SPOCK1: variants seen among roughly 807,000 people sequenced by gnomAD.
SPOCK1 encodes the protein testican-1.
Under a neutral mutation model 55.3 loss-of-function variants are expected in SPOCK1, and 23 were observed. That is an observed-to-expected ratio of 0.42 (90% CI 0.30 to 0.59). The LOEUF (loss-of-function observed/expected upper bound fraction) is 0.59, where lower values mean the gene tolerates loss of function less well. SPOCK1 is among the 20% of genes least tolerant of loss of function. The probability of loss-of-function intolerance (pLI) is 0.22; values close to 1 mark genes in which losing one functional copy is unlikely to be tolerated. For synonymous variants in SPOCK1, 226 were observed against 221.0 expected (o/e 1.02, Z -0.20); for missense variants, 499 against 552.5 (o/e 0.90, Z 0.97).
At chr5:136,995,831 T>A (rs1270248046) in intron 6 of SPOCK1, among the ~76,000 whole-genome samples, 1 of 152,152 alleles carries the variant, frequency 6.6e-6, no homozygotes, top group East Asian at 1.9e-4. Flanking sequence ...AATGAATCTG[T>A]CACTCAGGGA....
chr5:137,457,033 G>A (rs558484949), intron 2 of SPOCK1, among the ~76,000 whole-genome samples: 31 of 152,168 alleles, frequency 2.0e-4, no homozygotes, highest in Non-Finnish European at 7.3e-5. Context: ...CTACTTAATG[G>A]TCTGGGGCTC....
At chr5:137,209,996 A>AT (rs1342558234) in intron 3 of SPOCK1, among the ~76,000 whole-genome samples, 2 of 152,166 alleles carry the variant, frequency 1.3e-5, no homozygotes, top group Non-Finnish European at 2.9e-5. Flanking sequence ...TTTGATATTG[A>AT]TTTTTTGTTA....
chr5:137,444,126 C>T (rs981763693), intron 2 of SPOCK1, among the ~76,000 whole-genome samples: 2 of 152,134 alleles, frequency 1.3e-5, no homozygotes, highest in African/African-American at 4.8e-5. Flanking sequence ...AGGGCAACCA[C>T]ACCTCCCTTT....
At chr5:137,343,544 A>G (rs1303817462) in intron 2 of SPOCK1, among the ~76,000 whole-genome samples, 3 of 152,094 alleles carry the variant, frequency 2.0e-5, no homozygotes, top group Admixed American at 1.3e-4. Context: ...ACTGCTTCCA[A>G]CCCACTCAGC....
At chr5:137,067,314 C>G (rs1447343263) in intron 6 of SPOCK1, among the ~76,000 whole-genome samples, 1 of 152,122 alleles carries the variant, frequency 6.6e-6, no homozygotes, top group Non-Finnish European at 1.5e-5. Context: ...AGAACTCTCT[C>G]CACTGTTGTG....
At chr5:137,290,536 G>A (rs572328544) in intron 2 of SPOCK1, among the ~76,000 whole-genome samples, 1 of 152,326 alleles carries the variant, frequency 6.6e-6, no homozygotes, top group African/African-American at 2.4e-5. Context: ...TGATCTCAGG[G>A]ATGGTTACAT....
chr5:137,339,722 G>C (rs1358676124), intron 2 of SPOCK1, among the ~76,000 whole-genome samples: 1 of 152,150 alleles, frequency 6.6e-6, no homozygotes, highest in Non-Finnish European at 1.5e-5. Context: ...CTGATGAGAG[G>C]TTTTGGGGGA....
intron 2 of SPOCK1, among the ~76,000 whole-genome samples, chr5:137,308,554 G>T (rs755621408): frequency 5.3e-5 from 8 of 152,154 alleles, no homozygotes; most frequent in Non-Finnish European, 8.8e-5. Context: ...GCATATCTGC[G>T]GTTCCAGCTC....
At chr5:137,196,078 C>A (rs1755293659) in intron 3 of SPOCK1, among the ~76,000 whole-genome samples, 1 of 152,182 alleles carries the variant, frequency 6.6e-6, no homozygotes, top group South Asian at 2.1e-4. Flanking sequence ...TGTGAAGGAT[C>A]TCAAGAAATA....
chr5:136,989,245 A>G (rs1370994727), intron 7 of SPOCK1, among the ~76,000 whole-genome samples: 1 of 152,232 alleles, frequency 6.6e-6, no homozygotes, highest in African/African-American at 2.4e-5. Flanking sequence ...AACTCAGACA[A>G]TAATTTCTTT....
rs1561631704 is a variant in SPOCK1, at chr5:137,160,586, A to ATATAATATATAAT, written c.233-19893_233-19892insATTATATATTATA. Among the ~76,000 whole-genome samples the ATATAATATATAAT allele has an allele frequency of 4.1e-4, 17 of 41,644 alleles. 1 individual carries two copies. The highest frequency in any genetic ancestry group is 2.0e-3 in the Admixed American group (5 of 2,562). 27.3% of individuals were successfully genotyped at this position (41,644 alleles called of 152,430 possible). ...ATATTATATATTATATAATATATAT[A>ATATAATATATAAT]ATATATAATATATTATATATAATAT... is the stretch of plus-strand genomic sequence containing the variant. On this transcript the variant is annotated intron_variant, in intron 3 of 10. Transcript: ENST00000394945.
intron 5 of SPOCK1, among the ~76,000 whole-genome samples, chr5:137,068,789 G>A (rs1258689461): frequency 6.6e-6 from 1 of 152,200 alleles, no homozygotes; most frequent in Non-Finnish European, 1.5e-5. Context: ...TGAACTGTGT[G>A]TGGCTAATTA....
intron 3 of SPOCK1, among the ~76,000 whole-genome samples, chr5:137,179,750 A>G (rs1204851819): frequency 6.6e-6 from 1 of 152,172 alleles, no homozygotes; most frequent in African/African-American, 2.4e-5. Context: ...GCCAGTCATG[A>G]GACTTGGGGC....
chr5:137,168,519 T>C (rs1183351085), intron 3 of SPOCK1, among the ~76,000 whole-genome samples: 1 of 152,030 alleles, frequency 6.6e-6, no homozygotes, highest in African/African-American at 2.4e-5. Context: ...AAAAATCTAA[T>C]AATCTGATTG....
At chr5:137,355,574 T>C (rs776679254) in intron 2 of SPOCK1, among the ~76,000 whole-genome samples, 6 of 152,170 alleles carry the variant, frequency 3.9e-5, no homozygotes, top group Non-Finnish European at 8.8e-5. Context: ...GTTGAAGTAA[T>C]CCAGGATGAG....
At chr5:136,980,377 T>G (rs983562798) in intron 9 of SPOCK1, among the ~76,000 whole-genome samples, 8 of 152,232 alleles carry the variant, frequency 5.3e-5, no homozygotes, top group Non-Finnish European at 1.0e-4. Context: ...GGCACAAATT[T>G]ACAAGTATGT....
chr5:137,046,451 G>A (rs1411879008), intron 6 of SPOCK1, among the ~76,000 whole-genome samples: 2 of 152,054 alleles, frequency 1.3e-5, no homozygotes, highest in East Asian at 1.9e-4. Context: ...CCTGTTATTG[G>A]TGTATAAGAA....
chr5:137,266,286 C>A (rs1487939518), intron 3 of SPOCK1, among the ~76,000 whole-genome samples: 2 of 152,152 alleles, frequency 1.3e-5, no homozygotes, highest in Non-Finnish European at 2.9e-5. Context: ...GCATTAATTC[C>A]ATATGAACAT....
At chr5:137,260,433 TAG>T (rs1382575460) in intron 3 of SPOCK1, among the ~76,000 whole-genome samples, 1 of 152,156 alleles carries the variant, frequency 6.6e-6, no homozygotes, top group Non-Finnish European at 1.5e-5. Flanking sequence ...ATAAACAGAT[TAG>T]AGAGGGAAAC....
Sources: gnomAD v4.1 joint callset for allele counts (sites outside exome capture counted in the v4.1 genomes callset) on GRCh38, gnomAD v4.1.1 for gene constraint, MANE v1.5 for transcripts, NCBI Gene and HGNC (gene_info 2026-07-23, HGNC 2026-07-21) for gene names.